SYT1: variants seen among roughly 807,000 people sequenced by gnomAD.
SYT1 encodes synaptotagmin 1, also known as synaptotagmin-1.
In SYT1, 8 loss-of-function variants were observed where a neutral mutation model predicts 44.8. The ratio of observed to expected loss-of-function variants is 0.18; its 90% CI spans 0.10 to 0.32. SYT1 has a LOEUF of 0.32. Among genes scored for constraint, SYT1 ranks in the 10% least tolerant of loss-of-function variants. The pLI is 1.00. For synonymous variants in SYT1, 154 were observed against 188.8 expected (o/e 0.82, Z 1.51); for missense variants, 286 against 509.3 (o/e 0.56, Z 4.22).
chr12:79,383,052 G>GA (rs1884290625), intron 9 of SYT1, among the ~76,000 whole-genome samples: 2 of 114,946 alleles, frequency 1.7e-5, no homozygotes, highest in Non-Finnish European at 3.3e-5. Flanking sequence ...TGCTAATAGA[G>GA]GCCTTATAGT....
intron 2 of SYT1, among the ~76,000 whole-genome samples, chr12:79,027,306 T>C (rs1187938573): frequency 6.6e-6 from 1 of 151,542 alleles, no homozygotes; most frequent in Non-Finnish European, 1.5e-5. Context: ...CCATTAAGCT[T>C]TACCTGCCTA....
chr12:79,343,078 A>C (rs553515494), intron 8 of SYT1, among the ~76,000 whole-genome samples: 1 of 152,348 alleles, frequency 6.6e-6, no homozygotes, highest in Admixed American at 6.5e-5. Flanking sequence ...TCAGGAAATC[A>C]TTGTATTATA....
intron 3 of SYT1, among the ~76,000 whole-genome samples, chr12:79,166,594 A>G (rs1163329703): frequency 6.6e-6 from 1 of 152,014 alleles, no homozygotes; most frequent in Non-Finnish European, 1.5e-5. Context: ...TGCCCAAGTA[A>G]TGGTTCAATA....
intron 2 of SYT1, among the ~76,000 whole-genome samples, chr12:79,017,693 A>C (rs903323828): frequency 2.6e-5 from 4 of 152,058 alleles, no homozygotes; most frequent in African/African-American, 9.7e-5. Flanking sequence ...TAGGCTGATA[A>C]AGGTCCTGCA....
At chr12:78,974,920 C>A (rs1392167620) in intron 1 of SYT1, among the ~76,000 whole-genome samples, 1 of 152,048 alleles carries the variant, frequency 6.6e-6, no homozygotes, top group African/African-American at 2.4e-5. Context: ...CTTGCATAGA[C>A]CCTTCAGCAC....
Position 79,007,857 on chromosome 12 carries a change from T to C in SYT1, c.-84+29926T>C, listed in dbSNP as rs546133888. On this transcript the variant is annotated intron_variant, in intron 2 of 10. Transcript: ENST00000261205. Reference sequence around the variant, plus strand: ...AGTAGATTCTGAGATAGGAAATGCATGTGGATAAAAAGTATGAGTAATGGC... The same window carrying C: ...AGTAGATTCTGAGATAGGAAATGCACGTGGATAAAAAGTATGAGTAATGGC... Among the ~76,000 whole-genome samples the C allele has an allele frequency of 2.6e-5, 4 of 152,076 alleles. No individual in the cohort carries two copies. The East Asian group carries it at 7.8e-4, about 30-fold the overall frequency.
At chr12:79,397,497 C>T (rs1024013912) in intron 9 of SYT1, among the ~76,000 whole-genome samples, 25 of 152,164 alleles carry the variant, frequency 1.6e-4, no homozygotes, top group African/African-American at 5.8e-4. Flanking sequence ...CAAAGTGTTG[C>T]GATTACAGGC....
intron 5 of SYT1, among the ~76,000 whole-genome samples, chr12:79,288,609 A>T (rs1879424009): frequency 6.6e-6 from 1 of 152,200 alleles, no homozygotes; most frequent in African/African-American, 2.4e-5. Context: ...GACTACAAAA[A>T]GTATAGACAT....
At chr12:79,190,857 A>G (rs1471708976) in intron 3 of SYT1, among the ~76,000 whole-genome samples, 1 of 152,098 alleles carries the variant, frequency 6.6e-6, no homozygotes, top group Admixed American at 6.6e-5. Context: ...TTCTTTTGAT[A>G]GAGTAATATA....
chr12:79,043,818 C>T (rs889697252), intron 2 of SYT1, among the ~76,000 whole-genome samples: 31 of 152,184 alleles, frequency 2.0e-4, no homozygotes, highest in African/African-American at 7.2e-4. Flanking sequence ...TTAGGGCGGG[C>T]CTGGTGGTGA....
intron 1 of SYT1, among the ~76,000 whole-genome samples, chr12:78,952,043 C>T (rs1251115810): frequency 6.6e-6 from 1 of 151,990 alleles, no homozygotes; most frequent in East Asian, 1.9e-4. Context: ...TTCTCCAGGC[C>T]ATGAAGAGCA....
At position 79,184,841 on chromosome 12, in the gene SYT1, C is replaced by T. The variant is rs114134476; in HGVS notation, c.-17-32662C>T. Among the ~76,000 whole-genome samples, 303 of 152,082 alleles carry T rather than the reference C, an allele frequency of 2.0e-3. 1 individual carries two copies. The highest frequency in any genetic ancestry group is 6.8e-3 in the African/African-American group (281 of 41,512). On this transcript the variant is annotated intron_variant, in intron 3 of 10. Transcript: ENST00000261205. ...GTGACATCATCTTTATTAACATGCA[C>T]GCTCTGAGTATTTTAGATTCACTGG... is the stretch of plus-strand genomic sequence containing the variant.
intron 1 of SYT1, among the ~76,000 whole-genome samples, chr12:78,969,963 T>C (rs1444104368): frequency 2.0e-5 from 3 of 152,216 alleles, no homozygotes; most frequent in Admixed American, 6.5e-5. Context: ...GGAATGATTA[T>C]GTACTCAAGT....
At chr12:78,955,837 T>TGTGTGTGC (rs1555184205) in intron 1 of SYT1, among the ~76,000 whole-genome samples, 1 of 148,576 alleles carries the variant, frequency 6.7e-6, no homozygotes, top group African/African-American at 2.5e-5. Context: ...TGTGTGTGTG[T>TGTGTGTGC]GCATGTAGAG....
rs117710591 is a variant in SYT1 at position 79,351,955 on chromosome 12, C to T, written c.811-1547C>T. ...TCATGTGGGAGAATTAAGACATATA[C>T]ACACTGAGACAAAAACAGAGTTCTT... On this transcript the variant is annotated intron_variant, in intron 8 of 10. Transcript: ENST00000261205. Among the ~76,000 whole-genome samples the T allele has an allele frequency of 9.4e-3, 1,426 of 152,152 alleles. 16 individuals are homozygous for T. Among genetic ancestry groups the T allele is most frequent in the Non-Finnish European group, 0.015 (1,022 of 67,968 alleles).
intron 3 of SYT1, among the ~76,000 whole-genome samples, chr12:79,126,298 G>C (rs539773640): frequency 1.3e-5 from 2 of 152,330 alleles, no homozygotes; most frequent in East Asian, 3.9e-4. Flanking sequence ...GTCTCGCTCT[G>C]TTGCCAGGCT....
intron 3 of SYT1, among the ~76,000 whole-genome samples, chr12:79,186,258 A>G (rs1872795975): frequency 6.6e-6 from 1 of 152,038 alleles, no homozygotes; most frequent in African/African-American, 2.4e-5. Context: ...CCTCACTTGC[A>G]TGATACCTAT....
chr12:79,276,936 G>A (rs1878763562), intron 4 of SYT1, among the ~76,000 whole-genome samples: 1 of 147,766 alleles, frequency 6.8e-6, no homozygotes, highest in Non-Finnish European at 1.5e-5. Flanking sequence ...GAAGGAAGGA[G>A]AAGAAGAAGA....
chr12:79,182,837 T>C (rs1487562758), intron 3 of SYT1, among the ~76,000 whole-genome samples: 1 of 152,072 alleles, frequency 6.6e-6, no homozygotes, highest in Non-Finnish European at 1.5e-5. Flanking sequence ...TTACTTCTGT[T>C]ACTTCTCATT....
Sources: allele counts gnomAD v4.1 joint callset (sites outside exome capture counted in the v4.1 genomes callset), GRCh38; gene constraint gnomAD v4.1.1; transcripts MANE v1.5; gene names NCBI Gene and HGNC (gene_info 2026-07-23, HGNC 2026-07-21).